Variants in MRTFA observed in about 807,000 individuals in gnomAD.
MRTFA encodes the protein myocardin related transcription factor A, also known as myocardin-related transcription factor A.
A neutral mutation model predicts 83.5 loss-of-function variants in MRTFA; 20 were observed. The ratio of observed to expected loss-of-function variants is 0.24; its 90% CI spans 0.17 to 0.35. The LOEUF is 0.35. Among genes scored for constraint, MRTFA ranks in the 10% least tolerant of loss-of-function variants. The pLI, the probability that MRTFA is intolerant of heterozygous loss-of-function variation, is 1.00. For synonymous variants in MRTFA, 659 were observed against 541.2 expected, an observed-to-expected ratio of 1.22 and a Z score of -3.02; for missense variants, 1,200 against 1,224.7, an observed-to-expected ratio of 0.98 and a Z score of 0.30.
intron 2 of MRTFA, among the ~76,000 whole-genome samples, chr22:40,558,116 C>G (rs1041873591): frequency 6.6e-6 from 1 of 150,744 alleles, no homozygotes; most frequent in African/African-American, 2.4e-5. Context: ...GACAGGGTCT[C>G]TCTCTGTTGC....
chr22:40,509,431 C>G (rs1367852021), intron 3 of MRTFA, among the ~76,000 whole-genome samples: 1 of 152,100 alleles, frequency 6.6e-6, no homozygotes, highest in Non-Finnish European at 1.5e-5. Flanking sequence ...TAGGATAATC[C>G]AGGATTGATA....
At chr22:40,579,834 T>C (rs1052001586) in intron 2 of MRTFA, among the ~76,000 whole-genome samples, 1 of 147,956 alleles carries the variant, frequency 6.8e-6, no homozygotes, top group Non-Finnish European at 1.5e-5. Flanking sequence ...CACTCCAGCC[T>C]GGGCAACAAG....
At chr22:40,452,839 CT>C (rs942759653) in intron 4 of MRTFA, among the ~76,000 whole-genome samples, 11 of 150,766 alleles carry the variant, frequency 7.3e-5, no homozygotes, top group Non-Finnish European at 1.6e-4. Context: ...ATGACGACTA[CT>C]TTTTATGGCC....
At chr22:40,610,007 T>C (rs1052006769) in intron 1 of MRTFA, among the ~76,000 whole-genome samples, 12 of 151,242 alleles carry the variant, frequency 7.9e-5, no homozygotes, top group Admixed American at 5.3e-4. Flanking sequence ...AGATTACACA[T>C]ACATGCAATT....
chr22:40,418,443 G>T lies in MRTFA; in HGVS notation c.2295C>A (p.Thr765=). 6.2e-7 allele frequency: 1 copy of T among 1,614,020 alleles called. No homozygotes were observed. Among genetic ancestry groups the T allele is most frequent in the South Asian group, 1.1e-5 (1 of 91,084 alleles). The change falls in exon 12 of 15, where the codon ACC becomes ACA. Residue 765 remains threonine, a synonymous_variant. Coordinates refer to ENST00000355630, the MANE Select transcript of MRTFA (RefSeq NM_020831.6). The stretch of plus-strand genomic sequence containing the variant: ...TATTGGTCACGGTGAGGACAAGGTG[G>T]GTCCCTGTGGAGTCGGTGATGAGGG...
intron 2 of MRTFA, among the ~76,000 whole-genome samples, chr22:40,582,545 C>A (rs2055962417): frequency 6.6e-6 from 1 of 152,044 alleles, no homozygotes; most frequent in Non-Finnish European, 1.5e-5. Flanking sequence ...CTATGAGTTG[C>A]TTTAATCCTC....
intron 3 of MRTFA, among the ~76,000 whole-genome samples, chr22:40,479,178 T>C (rs1002281488): frequency 6.6e-6 from 1 of 152,128 alleles, no homozygotes; most frequent in Non-Finnish European, 1.5e-5. Flanking sequence ...CTGGAACTAA[T>C]CATGTTCAAA....
chr22:40,622,876 G>A (rs1224182406), intron 1 of MRTFA, among the ~76,000 whole-genome samples: 2 of 152,222 alleles, frequency 1.3e-5, no homozygotes, highest in African/African-American at 4.8e-5. Flanking sequence ...TGGCTTGGAA[G>A]AGGGTGATTA....
At chr22:40,528,691 C>T (rs1191629164) in intron 3 of MRTFA, among the ~76,000 whole-genome samples, 1 of 147,126 alleles carries the variant, frequency 6.8e-6, no homozygotes, top group Non-Finnish European at 1.5e-5. Flanking sequence ...GAGCCGAGAT[C>T]GTGCTATTGC....
At chr22:40,543,575 AT>A (rs1318144859) in intron 3 of MRTFA, among the ~76,000 whole-genome samples, 1 of 152,218 alleles carries the variant, frequency 6.6e-6, no homozygotes, top group Non-Finnish European at 1.5e-5. Context: ...AATATCTGAG[AT>A]CAACAACAAC....
At chr22:40,549,705 C>T (rs552291592) in intron 3 of MRTFA, among the ~76,000 whole-genome samples, 3 of 152,248 alleles carry the variant, frequency 2.0e-5, no homozygotes, top group East Asian at 1.9e-4. Flanking sequence ...TTATGTTATA[C>T]TTCCATAACA....
intron 2 of MRTFA, among the ~76,000 whole-genome samples, chr22:40,568,760 T>C (rs1485802421): frequency 1.3e-5 from 2 of 152,198 alleles, no homozygotes; most frequent in African/African-American, 4.8e-5. Context: ...GTGCAATTAC[T>C]GTAAATTATA....
intron 1 of MRTFA, among the ~76,000 whole-genome samples, chr22:40,624,378 A>G (rs909983708): frequency 6.7e-6 from 1 of 149,490 alleles, no homozygotes; most frequent in East Asian, 2.0e-4. Context: ...GGGAGCCGAG[A>G]TCGCGCCACT....
chr22:40,445,019 A>T (rs1300858520), intron 4 of MRTFA, among the ~76,000 whole-genome samples: 1 of 152,208 alleles, frequency 6.6e-6, no homozygotes, highest in East Asian at 1.9e-4. Flanking sequence ...GTGAGCCGTG[A>T]TCACACCACT....
chr22:40,476,241 A>G (rs1424154622), intron 3 of MRTFA, among the ~76,000 whole-genome samples: 6 of 152,010 alleles, frequency 3.9e-5, no homozygotes, highest in Admixed American at 3.9e-4. Flanking sequence ...CCCCAAAAGT[A>G]AGACTCCTCT....
At chr22:40,570,837 T>C (rs1426016775) in intron 2 of MRTFA, among the ~76,000 whole-genome samples, 1 of 151,464 alleles carries the variant, frequency 6.6e-6, no homozygotes, top group African/African-American at 2.4e-5. Flanking sequence ...ACTTATATCA[T>C]TTTTAAAGCC....
At chr22:40,475,821 T>C (rs902150277) in intron 3 of MRTFA, among the ~76,000 whole-genome samples, 2 of 152,208 alleles carry the variant, frequency 1.3e-5, no homozygotes, top group Non-Finnish European at 2.9e-5. Flanking sequence ...ACAAGATCTT[T>C]TCTATGCAAG....
chr22:40,457,465 A>AGAAAG (rs1491168039), intron 4 of MRTFA, among the ~76,000 whole-genome samples: 6 of 150,986 alleles, frequency 4.0e-5, no homozygotes, highest in Non-Finnish European at 7.4e-5. Context: ...AAAGAAAGAA[A>AGAAAG]GAAAGAAAGA....
intron 3 of MRTFA, among the ~76,000 whole-genome samples, chr22:40,500,341 T>A (rs539688266): frequency 1.9e-3 from 50 of 26,110 alleles, no homozygotes; most frequent in Admixed American, 2.5e-3. Context: ...CAGTTTTTAT[T>A]TTTTTTATTT....
Sources: allele counts gnomAD v4.1 joint callset (sites outside exome capture counted in the v4.1 genomes callset), GRCh38; gene constraint gnomAD v4.1.1; transcripts MANE v1.5; gene names NCBI Gene and HGNC (gene_info 2026-07-23, HGNC 2026-07-21).